PTPRJ: variants seen among roughly 807,000 people sequenced by gnomAD.
The protein encoded by PTPRJ is protein tyrosine phosphatase receptor type J.
PTPRJ carries 129 observed loss-of-function variants against 141.3 expected under a neutral mutation model. The observed-to-expected ratio is 0.91, with a 90% CI of 0.79 to 1.06. The LOEUF (loss-of-function observed/expected upper bound fraction) is 1.06. Among genes scored for constraint, PTPRJ ranks in the 50% least tolerant of loss-of-function variants. The probability of loss-of-function intolerance (pLI) is 0.00; values close to 1 mark genes in which losing one functional copy is unlikely to be tolerated. For synonymous variants in PTPRJ, 610 were observed against 640.5 expected, an observed-to-expected ratio of 0.95 and a Z score of 0.72; for missense variants, 1,601 against 1,679.7, an observed-to-expected ratio of 0.95 and a Z score of 0.82.
chr11:48,130,563 C>G lies in PTPRJ; in HGVS notation c.1462C>G (p.Gln488Glu). ...AGAATCATTTCAGATGCATATCACA[C>G]AGGAGGGAGCTGGCAATTCTCGGGT... The part of the protein sequence containing the change: ...DAESFQMHIT[Q>E]EGAGNSRVEI... The change falls in exon 8 of 25, where the codon CAG (glutamine) becomes GAG (glutamate). Residue 488 changes from glutamine to glutamate, a missense_variant. Coordinates refer to ENST00000418331, the MANE Select transcript of PTPRJ (RefSeq NM_002843.4). 6.2e-7 allele frequency: 1 copy of G among 1,613,998 alleles called. No individual in the cohort carries two copies. The highest frequency in any genetic ancestry group is 8.5e-7 in the Non-Finnish European group (1 of 1,180,016).
intron 1 of PTPRJ, among the ~76,000 whole-genome samples, chr11:48,065,755 T>C (rs531015129): frequency 6.6e-6 from 1 of 152,324 alleles, no homozygotes; most frequent in Admixed American, 6.5e-5. Flanking sequence ...CCATCCATTG[T>C]GTTATTGTCA....
In PTPRJ at chr11:47,980,994, C is replaced by G. The variant is rs1164562020; in HGVS notation, c.82C>G (p.Leu28Val). The G allele has an allele frequency of 1.3e-5, 15 of 1,161,936 alleles. No homozygotes were observed. Among genetic ancestry groups the G allele is most frequent in the South Asian group, 4.3e-5 (1 of 23,272 alleles). The allele number at this position is 1,161,936 out of a possible 1,614,324, so 72.0% of individuals were successfully genotyped here. The change falls in exon 1 of 25, where the codon CTG becomes GTG. Residue 28 changes from leucine (L) to valine (V), a missense_variant. Physicochemically the swap from Leu to Val is conservative, Grantham distance 32 (BLOSUM62 1). Transcript: ENST00000418331. ...RWALPLLLLL[L>V]RLGQILCAGG... ...GGCGCTGCCGCTGCTGCTGCTGCTG[C>G]TGCGCCTGGGCCAGGTAAGCGCCGG...
At position 48,158,170 on chromosome 11, in the gene PTPRJ, A is replaced by G. The variant is rs994640083; in HGVS notation, c.3439-1760A>G. On this transcript the variant is annotated intron_variant, in intron 21 of 24. Transcript: ENST00000418331. This position sits in a 1 kb window ranked among gnomAD's most constrained non-coding sequence, Gnocchi z 4.4. ...CTGTCTCAAAACAAAACAAAACAAA[A>G]AAAGAAGAATGCAAATAAGCTTTTT... Among the ~76,000 whole-genome samples, 3 of 152,174 alleles carry G rather than the reference A, an allele frequency of 2.0e-5. No individual in the cohort carries two copies. Among genetic ancestry groups the G allele is most frequent in the Non-Finnish European group, 2.9e-5 (2 of 68,018 alleles).
intron 1 of PTPRJ, among the ~76,000 whole-genome samples, chr11:48,109,094 T>C (rs1305254995): frequency 6.6e-6 from 1 of 151,922 alleles, no homozygotes; most frequent in Non-Finnish European, 1.5e-5. Context: ...AGTGTGTTTG[T>C]GGGAGGGAAT....
intron 1 of PTPRJ, among the ~76,000 whole-genome samples, chr11:48,000,583 C>T (rs1854469293): frequency 6.6e-6 from 1 of 152,058 alleles, no homozygotes; most frequent in Non-Finnish European, 1.5e-5. Flanking sequence ...CCCCTCCCTC[C>T]CCTCCACCCT....
At chr11:48,120,565 A>T (rs1338459661) in intron 3 of PTPRJ, among the ~76,000 whole-genome samples, 1 of 152,046 alleles carries the variant, frequency 6.6e-6, no homozygotes, top group Non-Finnish European at 1.5e-5. Context: ...AGCTAGGATT[A>T]CAGGTGACTG....
intron 21 of PTPRJ, among the ~76,000 whole-genome samples, chr11:48,156,818 C>G (rs375067118): frequency 1.3e-4 from 20 of 151,922 alleles, no homozygotes; most frequent in African/African-American, 4.4e-4. Context: ...AACTCCTGAC[C>G]TCAAGTGATC....
rs570541969 is a variant in PTPRJ at position 47,988,581 on chromosome 11, T to G, written c.96+7573T>G. Among the ~76,000 whole-genome samples the G allele has an allele frequency of 2.6e-4, 39 of 152,308 alleles. No homozygotes were observed. In the East Asian group the frequency reaches 5.6e-3, roughly 22 times the overall value. ...ATTCTCCTATCAATGGACACTTTAGTTGTTTTAGTACACCTCCCTGTCCCG... is the reference window on the plus strand; with the variant it reads ...ATTCTCCTATCAATGGACACTTTAGGTGTTTTAGTACACCTCCCTGTCCCG... On this transcript the variant is annotated intron_variant, in intron 1 of 24. Transcript: ENST00000418331.
chr11:48,143,388 G>GAT (rs1857278274), intron 12 of PTPRJ, among the ~76,000 whole-genome samples: 1 of 152,174 alleles, frequency 6.6e-6, no homozygotes, highest in Admixed American at 6.5e-5. Flanking sequence ...ATGGCAGGTG[G>GAT]ATTTGGTTTG....
At chr11:48,120,141 T>C (rs1039482179) in intron 3 of PTPRJ, among the ~76,000 whole-genome samples, 1 of 152,214 alleles carries the variant, frequency 6.6e-6, no homozygotes, top group South Asian at 2.1e-4. Flanking sequence ...TCTTCGTGTT[T>C]AGTGTGGTGT....
At chr11:48,054,817 CTT>C (rs34013393) in intron 1 of PTPRJ, among the ~76,000 whole-genome samples, 17 of 140,340 alleles carry the variant, frequency 1.2e-4, no homozygotes, top group Non-Finnish European at 9.3e-5. Flanking sequence ...TCCTTTCTTT[CTT>C]TTTTTTTTTT....
At chr11:48,092,294 C>CAAAAAAAAAAA (rs3971621) in intron 1 of PTPRJ, among the ~76,000 whole-genome samples, 3 of 46,956 alleles carry the variant, frequency 6.4e-5, no homozygotes, top group Non-Finnish European at 7.8e-5. Context: ...GATTTCATCT[C>CAAAAAAAAAAA]AAAAAAAAAA....
chr11:48,055,217 C>T (rs1590446847), intron 1 of PTPRJ, among the ~76,000 whole-genome samples: 2 of 152,192 alleles, frequency 1.3e-5, no homozygotes, highest in African/African-American at 4.8e-5. Context: ...AAGCCCCTAG[C>T]ATGGTGCCTG....
At chr11:47,983,413 G>A (rs919065347) in intron 1 of PTPRJ, among the ~76,000 whole-genome samples, 2 of 152,134 alleles carry the variant, frequency 1.3e-5, no homozygotes, top group East Asian at 1.9e-4. Flanking sequence ...GTTATAAAAT[G>A]GAATCAACTA....
At chr11:48,062,008 G>A (rs1035813355) in intron 1 of PTPRJ, among the ~76,000 whole-genome samples, 4 of 148,834 alleles carry the variant, frequency 2.7e-5, no homozygotes, top group Non-Finnish European at 4.4e-5. Flanking sequence ...GGGCTCAAAC[G>A]ATCCCCCCAC....
At chr11:48,066,523 CAG>C (rs1565285701) in intron 1 of PTPRJ, among the ~76,000 whole-genome samples, 2 of 151,122 alleles carry the variant, frequency 1.3e-5, no homozygotes, top group East Asian at 1.9e-4. Flanking sequence ...GGAAACTAGT[CAG>C]GGGCTGGTTT....
intron 1 of PTPRJ, among the ~76,000 whole-genome samples, chr11:48,061,717 C>G (rs1854929711): frequency 6.6e-6 from 1 of 152,094 alleles, no homozygotes; most frequent in Non-Finnish European, 1.5e-5. Context: ...CTGCAAGTGT[C>G]CTGGGTGGGC....
intron 1 of PTPRJ, among the ~76,000 whole-genome samples, chr11:48,059,150 A>G (rs950206997): frequency 8.9e-6 from 1 of 112,568 alleles, no homozygotes; most frequent in African/African-American, 3.6e-5. Context: ...GCAGAGTCTC[A>G]CTCTGTCCAT....
At chr11:47,993,861 C>T (rs1343360120) in intron 1 of PTPRJ, among the ~76,000 whole-genome samples, 1 of 150,660 alleles carries the variant, frequency 6.6e-6, no homozygotes, top group Non-Finnish European at 1.5e-5. Context: ...GGCAGTCTCG[C>T]TCTGTTGCCC....
Sources: gnomAD v4.1 joint callset for allele counts (sites outside exome capture counted in the v4.1 genomes callset) on GRCh38, gnomAD v4.1.1 for gene constraint, Gnocchi (gnomAD v3.1) non-coding constraint, MANE v1.5 for transcripts, NCBI Gene and HGNC (gene_info 2026-07-23, HGNC 2026-07-21) for gene names.